The following IGSF21 variants were observed in gnomAD, a reference collection of about 807,000 sequenced individuals.
IGSF21 encodes immunoglobin superfamily member 21.
A neutral mutation model predicts 46.8 loss-of-function variants in IGSF21; 28 were observed. That is an observed-to-expected ratio of 0.60 (90% CI 0.44 to 0.82). The LOEUF is 0.82. Ranked by LOEUF, IGSF21 falls within the 40% of genes least tolerant of loss-of-function variation. The pLI is 0.00. For synonymous variants in IGSF21, 284 were observed against 273.6 expected (o/e 1.04, Z -0.38); for missense variants, 624 against 665.5 (o/e 0.94, Z 0.69).
intron 2 of IGSF21, among the ~76,000 whole-genome samples, chr1:18,273,494 TTCTTTCTTTCTTTC>T (rs1386084234): frequency 1.9e-5 from 2 of 103,016 alleles, no homozygotes; most frequent in Non-Finnish European, 4.1e-5. Flanking sequence ...CTTTCTTTCT[TTCTTTCTTTCTTTC>T]TTTCTTTCTT....
intron 4 of IGSF21, among the ~76,000 whole-genome samples, chr1:18,348,253 A>G (rs1332011196): frequency 6.6e-6 from 1 of 152,192 alleles, no homozygotes; most frequent in Non-Finnish European, 1.5e-5. Context: ...TGGCCCATTG[A>G]GCCCTCCTGA....
Position 18,335,652 on chromosome 1 carries a change from G to A in IGSF21, c.424+642G>A, listed in dbSNP as rs2085758826. On this transcript the variant is annotated intron_variant, in intron 4 of 9. Coordinates refer to ENST00000251296, the MANE Select transcript of IGSF21 (RefSeq NM_032880.5). The surrounding 1 kb of genome is among the most constrained non-coding windows in gnomAD (Gnocchi z 4.8). ...GTCAGATACACACCTTTGGATTCTG[G>A]CTCTATTGCAAGGATGCTGGGGACT... is the stretch of plus-strand genomic sequence containing the variant. Among the ~76,000 whole-genome samples, 1 of 152,132 alleles carries A rather than the reference G, an allele frequency of 6.6e-6. No individual in the cohort carries two copies. The highest frequency in any genetic ancestry group is 2.1e-4 in the South Asian group (1 of 4,830).
At chr1:18,169,307 AC>A (rs754729219) in intron 1 of IGSF21, among the ~76,000 whole-genome samples, 3 of 152,160 alleles carry the variant, frequency 2.0e-5, no homozygotes, top group Admixed American at 6.5e-5. Context: ...AGAGCAGGGA[AC>A]TGGGAAGTGG....
intron 1 of IGSF21, among the ~76,000 whole-genome samples, chr1:18,151,825 T>G (rs2086524516): frequency 6.6e-6 from 1 of 152,170 alleles, no homozygotes; most frequent in South Asian, 2.1e-4. Context: ...AAAGAGATCC[T>G]AGTAGTGCTT....
chr1:18,327,515 G>A (rs942869187), intron 3 of IGSF21, among the ~76,000 whole-genome samples: 34 of 152,212 alleles, frequency 2.2e-4, no homozygotes, highest in African/African-American at 7.5e-4. Context: ...AGGAGGATGG[G>A]TAAGTAAATG....
At chr1:18,140,199 C>T (rs61766496) in intron 1 of IGSF21, among the ~76,000 whole-genome samples, 1 of 152,160 alleles carries the variant, frequency 6.6e-6, no homozygotes, top group Non-Finnish European at 1.5e-5. Context: ...TCTCTCCACT[C>T]GGCATCCCAG....
intron 1 of IGSF21, among the ~76,000 whole-genome samples, chr1:18,222,924 C>A (rs1185494286): frequency 6.6e-6 from 1 of 152,186 alleles, no homozygotes; most frequent in Admixed American, 6.5e-5. Context: ...GTTTTCTCAC[C>A]TGTGATCCAG....
chr1:18,287,194 A>ACATAAATAAAT (rs371338734), intron 2 of IGSF21, among the ~76,000 whole-genome samples: 1 of 124,836 alleles, frequency 8.0e-6, no homozygotes, highest in Non-Finnish European at 1.6e-5. Flanking sequence ...AAAAAAAAAT[A>ACATAAATAAAT]AAATAAATAA....
intron 1 of IGSF21, among the ~76,000 whole-genome samples, chr1:18,119,729 G>A (rs769340098): frequency 1.2e-4 from 18 of 150,422 alleles, no homozygotes; most frequent in Non-Finnish European, 2.4e-4. Flanking sequence ...AGCCTCCAGC[G>A]AGCCAGAGGG....
chr1:18,209,826 T>A (rs1341973032), intron 1 of IGSF21, among the ~76,000 whole-genome samples: 1 of 152,062 alleles, frequency 6.6e-6, no homozygotes, highest in Non-Finnish European at 1.5e-5. Context: ...GGTCCTGTCA[T>A]TTCTTGTCCC....
At chr1:18,165,637 G>A (rs2086671152) in intron 1 of IGSF21, among the ~76,000 whole-genome samples, 1 of 152,160 alleles carries the variant, frequency 6.6e-6, no homozygotes, top group African/African-American at 2.4e-5. Context: ...AGAATAAATA[G>A]TAACTTCTCT....
chr1:18,333,100 T>C (rs947460203), intron 3 of IGSF21, among the ~76,000 whole-genome samples: 1 of 152,154 alleles, frequency 6.6e-6, no homozygotes, highest in Admixed American at 6.5e-5. Flanking sequence ...GGGTGGCAGA[T>C]GGGTCACACG....
rs1264822558 is a variant in IGSF21, at chr1:18,250,110, C to CCTCT, written c.183+22103_183+22104insTCTC. 4.6e-5 allele frequency among the ~76,000 whole-genome samples: 4 copies of CCTCT among 86,968 alleles called. 1 individual carries two copies. The highest frequency in any genetic ancestry group is 9.7e-5 in the Non-Finnish European group (4 of 41,206). The allele number at this position is 86,968 out of a possible 152,430, so 57.1% of individuals were successfully genotyped here. On this transcript the variant is annotated intron_variant, in intron 2 of 9. Transcript: ENST00000251296. ...CACTCCCTCCCTCGCTCCCTCCCTC[C>CCTCT]CTCCCTCCCTCCCTCCCTCCCTCTC...
chr1:18,230,665 G>A (rs1214381685), intron 2 of IGSF21, among the ~76,000 whole-genome samples: 2 of 152,088 alleles, frequency 1.3e-5, no homozygotes, highest in African/African-American at 2.4e-5. Context: ...GCTCCGTGTG[G>A]CCAGTTTTTG....
rs1033245296 is a variant in IGSF21 at position 18,145,348 on chromosome 1, C to A, written c.70+37150C>A. On this transcript the variant is annotated intron_variant, in intron 1 of 9. Coordinates refer to ENST00000251296, the MANE Select transcript of IGSF21 (RefSeq NM_032880.5). ...TTCCTCAATTCACACTCCCTATAAA[C>A]CACCATGGGGAGCTTTATAGGCCCA... Among the ~76,000 whole-genome samples, 10 of 152,108 alleles carry A rather than the reference C, an allele frequency of 6.6e-5. No individual in the cohort carries two copies. The East Asian group carries it at 1.5e-3, about 23-fold the overall frequency.
chr1:18,205,384 G>C (rs1429988388), intron 1 of IGSF21, among the ~76,000 whole-genome samples: 1 of 152,090 alleles, frequency 6.6e-6, no homozygotes, highest in Non-Finnish European at 1.5e-5. Flanking sequence ...TTCTTCCAGA[G>C]CCAGGTAGGA....
chr1:18,373,065 C>T (rs963053133), intron 6 of IGSF21, among the ~76,000 whole-genome samples: 2 of 152,174 alleles, frequency 1.3e-5, no homozygotes, highest in East Asian at 1.9e-4. Context: ...AGCAGATAGA[C>T]ATCACTTTAC....
chr1:18,188,194 A>G (rs1329051495), intron 1 of IGSF21, among the ~76,000 whole-genome samples: 1 of 151,238 alleles, frequency 6.6e-6, no homozygotes, highest in Non-Finnish European at 1.5e-5. Flanking sequence ...TTCGAAAAAG[A>G]AGAAGAGGAA....
chr1:18,368,465 T>C (rs1252127427), intron 6 of IGSF21, among the ~76,000 whole-genome samples: 1 of 148,542 alleles, frequency 6.7e-6, no homozygotes, highest in Non-Finnish European at 1.5e-5. Context: ...GAGCCGAGAT[T>C]GCACCACTGC....
Sources: gnomAD v4.1 joint callset for allele counts (sites outside exome capture counted in the v4.1 genomes callset) on GRCh38, gnomAD v4.1.1 for gene constraint, Gnocchi (gnomAD v3.1) non-coding constraint, MANE v1.5 for transcripts, NCBI Gene and HGNC (gene_info 2026-07-23, HGNC 2026-07-21) for gene names.